Variants in PRUNE2 observed in about 807,000 individuals in gnomAD.
The protein encoded by PRUNE2 is prune homolog 2 with BCH domain.
PRUNE2 carries 164 observed loss-of-function variants against 252.0 expected under a neutral mutation model. The ratio of observed to expected loss-of-function variants is 0.65; its 90% CI spans 0.57 to 0.74. The LOEUF is 0.74. Ranked by LOEUF, PRUNE2 falls within the 30% of genes least tolerant of loss-of-function variation. The pLI, the probability that PRUNE2 is intolerant of heterozygous loss-of-function variation, is 0.00. For synonymous variants in PRUNE2, 1,292 were observed against 1,350.2 expected, an observed-to-expected ratio of 0.96 and a Z score of 0.94; for missense variants, 3,495 against 3,711.0, an observed-to-expected ratio of 0.94 and a Z score of 1.51.
chr9:76,810,510 A>G (rs1422832620), intron 6 of PRUNE2, among the ~76,000 whole-genome samples: 2 of 152,236 alleles, frequency 1.3e-5, no homozygotes, highest in African/African-American at 4.8e-5. Context: ...GCTTAGTTGT[A>G]GCATCTTACC....
intron 6 of PRUNE2, chr9:76,779,989 T>C (rs1355265898): frequency 2.0e-5 from 3 of 152,194 alleles, no homozygotes; most frequent in Non-Finnish European, 4.4e-5. Flanking sequence ...ATAGGAAGAT[T>C]CTCGTAACTA....
At chr9:76,711,493 AACT>A (rs2046727523) in intron 7 of PRUNE2, 135 bp from the exon 8 acceptor site, 1 of 633,552 alleles carries the variant, frequency 1.6e-6, no homozygotes, top group Admixed American at 3.1e-5. Flanking sequence ...GAAGATCTCA[AACT>A]TAGAAAGTTC....
At chr9:76,849,613 G>A (rs1046622538) in intron 3 of PRUNE2, among the ~76,000 whole-genome samples, 1 of 152,082 alleles carries the variant, frequency 6.6e-6, no homozygotes, top group South Asian at 2.1e-4. Context: ...ATCACTTGAG[G>A]TCAGGAGTTC....
intron 6 of PRUNE2, among the ~76,000 whole-genome samples, chr9:76,767,994 C>T (rs558812354): frequency 2.2e-4 from 33 of 152,252 alleles, no homozygotes; most frequent in African/African-American, 7.9e-4. Flanking sequence ...GTTCTTTCTT[C>T]GATGATTTGG....
chr9:76,875,660 A>T (rs1036040347), intron 1 of PRUNE2, among the ~76,000 whole-genome samples: 4 of 152,094 alleles, frequency 2.6e-5, no homozygotes, highest in Non-Finnish European at 5.9e-5. Context: ...CACCATGCCC[A>T]GCCGGCTCTG....
chr9:76,871,988 T>G (rs918336407), intron 1 of PRUNE2, among the ~76,000 whole-genome samples: 3 of 151,930 alleles, frequency 2.0e-5, no homozygotes, highest in Non-Finnish European at 2.9e-5. Flanking sequence ...AAAATGAAAA[T>G]AGTCAACATT....
intron 6 of PRUNE2, among the ~76,000 whole-genome samples, chr9:76,727,004 C>T (rs1300397647): frequency 1.3e-5 from 2 of 152,170 alleles, no homozygotes; most frequent in Admixed American, 6.5e-5. Context: ...AACCTAAATT[C>T]GTAACAGATA....
intron 1 of PRUNE2, among the ~76,000 whole-genome samples, chr9:76,882,047 A>G (rs2061822490): frequency 1.3e-5 from 2 of 152,062 alleles, no homozygotes; most frequent in East Asian, 1.9e-4. Flanking sequence ...TTAATTTAAT[A>G]TATTTATTTT....
At chr9:76,719,160 A>G (rs2047410140) in intron 6 of PRUNE2, among the ~76,000 whole-genome samples, 1 of 152,156 alleles carries the variant, frequency 6.6e-6, no homozygotes, top group African/African-American at 2.4e-5. Context: ...CAGCTTTTAA[A>G]AATATAAATT....
chr9:76,852,802 GTCTGTCTATCTATCTATCTATCTATCTA>G (rs1415595044), intron 2 of PRUNE2, among the ~76,000 whole-genome samples: 19 of 150,494 alleles, frequency 1.3e-4, no homozygotes, highest in African/African-American at 4.4e-4. Flanking sequence ...CCATCTGTCT[GTCTGTCTATCTATCTATCTATCTATCTA>G]TCTATCTATC....
intron 6 of PRUNE2, chr9:76,823,145 A>G (rs2058130320): frequency 6.6e-6 from 1 of 152,540 alleles, no homozygotes; most frequent in Non-Finnish European, 1.5e-5. Flanking sequence ...ACAGTTTGGA[A>G]GGAGGTTCCT....
Position 76,905,942 on chromosome 9 carries a change from C to T in PRUNE2, c.22G>A (p.Ala8Thr), listed in dbSNP as rs868681207. The T allele has an allele frequency of 6.2e-7, 1 of 1,614,168 alleles. No homozygotes were observed. The highest frequency in any genetic ancestry group is 8.5e-7 in the Non-Finnish European group (1 of 1,180,014). The change falls in exon 1 of 19, where the codon GCC (alanine) becomes ACC (threonine). Residue 8 changes from alanine to threonine, a missense_variant. Physicochemically the swap from Ala to Thr is moderately conservative, Grantham distance 58 (BLOSUM62 0). Transcript: ENST00000376718. MEEFLQR[A>T]KSKLNRSKRL... ...ACTCAACTTACCAGTTTAGATTTGG[C>T]GCGTTGCAAAAATTCTTCCATGTCG... is the stretch of plus-strand genomic sequence containing the variant.
chr9:76,734,670 C>T (rs1467313012), intron 6 of PRUNE2, among the ~76,000 whole-genome samples: 4 of 152,156 alleles, frequency 2.6e-5, no homozygotes, highest in Admixed American at 2.6e-4. Flanking sequence ...GTCATCCCTT[C>T]TTTTGGGGAG....
intron 5 of PRUNE2, 90 bp from the exon 6 acceptor site, chr9:76,823,816 T>C: frequency 1.3e-6 from 1 of 750,642 alleles, no homozygotes. Context: ...ATTTACTCTG[T>C]AAATTTCATT....
chr9:76,676,293 T>A (rs1307873677), intron 9 of PRUNE2, among the ~76,000 whole-genome samples: 1 of 149,860 alleles, frequency 6.7e-6, no homozygotes, highest in Non-Finnish European at 1.5e-5. Context: ...AACAAAAATG[T>A]AAGTGCTAAT....
chr9:76,804,876 T>C (rs2056823141), intron 6 of PRUNE2, among the ~76,000 whole-genome samples: 1 of 152,184 alleles, frequency 6.6e-6, no homozygotes, highest in Admixed American at 6.5e-5. Context: ...CTTAAGGTGG[T>C]AACTTCCAGG....
intron 1 of PRUNE2, among the ~76,000 whole-genome samples, chr9:76,895,958 G>T (rs2062796697): frequency 6.6e-6 from 1 of 152,056 alleles, no homozygotes; most frequent in Non-Finnish European, 1.5e-5. Context: ...TGTATTTTTA[G>T]TAGAGATGGG....
At chr9:76,724,048 G>C (rs917432026) in intron 6 of PRUNE2, among the ~76,000 whole-genome samples, 6 of 150,916 alleles carry the variant, frequency 4.0e-5, no homozygotes, top group African/African-American at 1.2e-4. Flanking sequence ...GCCCGCCTCA[G>C]CCTCCCAAAG....
At chr9:76,765,933 A>G (rs1256932755) in intron 6 of PRUNE2, among the ~76,000 whole-genome samples, 1 of 152,152 alleles carries the variant, frequency 6.6e-6, no homozygotes, top group African/African-American at 2.4e-5. Flanking sequence ...CTATAATCCC[A>G]GTACTTTGGG....
Sources: allele counts gnomAD v4.1 joint callset (sites outside exome capture counted in the v4.1 genomes callset), GRCh38; gene constraint gnomAD v4.1.1; transcripts MANE v1.5; gene names NCBI Gene and HGNC (gene_info 2026-07-23, HGNC 2026-07-21).